CADPS: variants seen among roughly 807,000 people sequenced by gnomAD.
CADPS encodes the protein calcium-dependent secretion activator 1.
Under a neutral mutation model 167.3 loss-of-function variants are expected in CADPS, and 57 were observed. The ratio of observed to expected loss-of-function variants is 0.34; its 90% CI spans 0.28 to 0.42. The LOEUF (loss-of-function observed/expected upper bound fraction) is 0.42. CADPS is among the 20% of genes least tolerant of loss of function. CADPS has a pLI of 1.00. For synonymous variants in CADPS, 676 were observed against 635.3 expected (o/e 1.06, Z -0.96); for missense variants, 1,414 against 1,738.1 (o/e 0.81, Z 3.32).
chr3:62,667,308 T>C (rs1290369421), intron 3 of CADPS, among the ~76,000 whole-genome samples: 1 of 151,990 alleles, frequency 6.6e-6, no homozygotes, highest in African/African-American at 2.4e-5. Flanking sequence ...GCCTTTAGGA[T>C]ATATGAAAGA....
At chr3:62,656,066 A>T (rs892037758) in intron 4 of CADPS, among the ~76,000 whole-genome samples, 5 of 152,140 alleles carry the variant, frequency 3.3e-5, no homozygotes, top group Non-Finnish European at 7.4e-5. Flanking sequence ...CACCCATCTG[A>T]ATTTTGGTTC....
At chr3:62,657,250 GCT>G (rs1474969291) in intron 4 of CADPS, among the ~76,000 whole-genome samples, 1 of 152,158 alleles carries the variant, frequency 6.6e-6, no homozygotes, top group East Asian at 1.9e-4. Flanking sequence ...TACTAATTGT[GCT>G]CTGTGTAGAA....
At chr3:62,474,421 TA>T in intron 23 of CADPS, 101 bp from the exon 24 acceptor site, 1 of 1,081,566 alleles carries the variant, frequency 9.2e-7, no homozygotes, top group Non-Finnish European at 1.4e-6. Flanking sequence ...TTGAAGGCTG[TA>T]ATCAGTTTCA....
intron 1 of CADPS, among the ~76,000 whole-genome samples, chr3:62,870,438 A>G (rs2082420799): frequency 6.6e-6 from 1 of 152,126 alleles, no homozygotes; most frequent in South Asian, 2.1e-4. Flanking sequence ...CTTTTTATGT[A>G]AGGTATGGCT....
At chr3:62,704,277 C>A (rs1430275770) in intron 3 of CADPS, among the ~76,000 whole-genome samples, 1 of 152,106 alleles carries the variant, frequency 6.6e-6, no homozygotes, top group African/African-American at 2.4e-5. Flanking sequence ...CAGAAGGTAA[C>A]TTCATTCTTC....
At chr3:62,666,796 C>A (rs147332305) in intron 3 of CADPS, among the ~76,000 whole-genome samples, 100 of 152,210 alleles carry the variant, frequency 6.6e-4, no homozygotes, top group Middle Eastern at 3.4e-3. Context: ...GTACTCTTTC[C>A]GTCAATGCAG....
chr3:62,560,850 A>G (rs1468100087), intron 9 of CADPS, among the ~76,000 whole-genome samples: 1 of 151,988 alleles, frequency 6.6e-6, no homozygotes, highest in African/African-American at 2.4e-5. Context: ...GGAGGCTGAG[A>G]TGGGTAGATT....
intron 3 of CADPS, among the ~76,000 whole-genome samples, chr3:62,675,994 A>T (rs552434394): frequency 1.5e-3 from 224 of 151,010 alleles, no homozygotes; most frequent in African/African-American, 5.2e-3. Context: ...AGGAACAAAA[A>T]CGTATGCAGG....
chr3:62,696,652 T>C (rs1329655622), intron 3 of CADPS, among the ~76,000 whole-genome samples: 1 of 152,120 alleles, frequency 6.6e-6, no homozygotes, highest in Non-Finnish European at 1.5e-5. Flanking sequence ...ATCTTAAAGT[T>C]ATCCTTTTAC....
intron 1 of CADPS, among the ~76,000 whole-genome samples, chr3:62,799,730 T>C (rs2093653804): frequency 6.6e-6 from 1 of 152,052 alleles, no homozygotes; most frequent in South Asian, 2.1e-4. Context: ...TTGAATGAGA[T>C]TATGTATGCA....
At chr3:62,803,410 T>C (rs1405891759) in intron 1 of CADPS, among the ~76,000 whole-genome samples, 1 of 151,438 alleles carries the variant, frequency 6.6e-6, no homozygotes, top group Non-Finnish European at 1.5e-5. Flanking sequence ...CAGGGCTATT[T>C]GGAAAAGTCT....
intron 8 of CADPS, among the ~76,000 whole-genome samples, chr3:62,574,663 C>T (rs1370810942): frequency 2.0e-5 from 3 of 152,176 alleles, no homozygotes; most frequent in Non-Finnish European, 2.9e-5. Flanking sequence ...TGGCTTGTAA[C>T]AGTTAAGAGT....
rs190689946 is a variant in CADPS at position 62,782,304 on chromosome 3, C to A, written c.442-16320G>T. Among the ~76,000 whole-genome samples the A allele has an allele frequency of 2.2e-4, 33 of 152,282 alleles. No individual in the cohort carries two copies. In the East Asian group the frequency reaches 5.4e-3, roughly 25 times the overall value. ...TAATTCATCCATCCAGCCAGCCAGC[C>A]AGCGAGCCACTCATGCACACATCCA... On this transcript the variant is annotated intron_variant, in intron 1 of 29. Transcript: ENST00000383710.
intron 3 of CADPS, among the ~76,000 whole-genome samples, chr3:62,680,515 C>A (rs2076989164): frequency 6.6e-6 from 1 of 152,012 alleles, no homozygotes; most frequent in South Asian, 2.1e-4. Flanking sequence ...GCTCTCCTGT[C>A]CTCCTCTGTC....
rs564941563 is a variant in CADPS at position 62,783,208 on chromosome 3, G to A, written c.442-17224C>T. Among the ~76,000 whole-genome samples the A allele has an allele frequency of 6.6e-4, 100 of 152,282 alleles. 1 individual carries two copies. The highest frequency in any genetic ancestry group is 2.3e-3 in the African/African-American group (95 of 41,566). ...TGAGACCTGGGCAAGCAATGTCAGT[G>A]ATGTGTGTTCTCTCTGTTTCCTAGT... On this transcript the variant is annotated intron_variant, in intron 1 of 29. Transcript: ENST00000383710.
At chr3:62,706,140 A>C (rs926627203) in intron 3 of CADPS, among the ~76,000 whole-genome samples, 1 of 152,022 alleles carries the variant, frequency 6.6e-6, no homozygotes, top group Admixed American at 6.6e-5. Context: ...TTTGGTAGGC[A>C]TTCCTTTTGC....
At chr3:62,479,163 C>T (rs1320965961) in intron 22 of CADPS, among the ~76,000 whole-genome samples, 1 of 152,192 alleles carries the variant, frequency 6.6e-6, no homozygotes, top group African/African-American at 2.4e-5. Flanking sequence ...TACCATTGCA[C>T]CATCTTACCC....
rs1257805251 is a variant in CADPS at position 62,434,467 on chromosome 3, CA to C, written c.3777+3636del. 2.6e-5 allele frequency among the ~76,000 whole-genome samples: 4 copies of C among 152,144 alleles called. No individual in the cohort carries two copies. The East Asian group carries it at 7.7e-4, about 29-fold the overall frequency. On this transcript the variant is annotated intron_variant, in intron 28 of 29. Coordinates refer to ENST00000383710, the MANE Select transcript of CADPS (RefSeq NM_003716.4). ...TTAATAAACAAAGGAATCTTAATGG[CA>C]AAAGCAACCCAGTTAGGCAACATTA...
intron 1 of CADPS, among the ~76,000 whole-genome samples, chr3:62,869,151 G>C (rs1476820873): frequency 1.3e-5 from 2 of 152,038 alleles, no homozygotes; most frequent in Non-Finnish European, 2.9e-5. Flanking sequence ...ATCATGTCAT[G>C]ATCAAAAAGA....
Sources: gnomAD v4.1 joint callset for allele counts (sites outside exome capture counted in the v4.1 genomes callset) on GRCh38, gnomAD v4.1.1 for gene constraint, MANE v1.5 for transcripts, NCBI Gene and HGNC (gene_info 2026-07-23, HGNC 2026-07-21) for gene names.